SLC9C2: variants seen among roughly 807,000 people sequenced by gnomAD.
SLC9C2 encodes sodium/hydrogen exchanger 11.
A neutral mutation model predicts 140.2 loss-of-function variants in SLC9C2; 75 were observed. The ratio of observed to expected loss-of-function variants is 0.53; its 90% CI spans 0.44 to 0.65. The LOEUF is 0.65. SLC9C2 is among the 30% of genes least tolerant of loss of function. The probability of loss-of-function intolerance (pLI) is 0.00; values close to 1 mark genes in which losing one functional copy is unlikely to be tolerated. For missense variants in SLC9C2, 1,074 were observed against 1,331.8 expected (o/e 0.81, Z 3.01); for synonymous variants, 375 against 420.9 (o/e 0.89, Z 1.34).
At chr1:173,504,350 G>A (rs1246726784) in intron 26 of SLC9C2, among the ~76,000 whole-genome samples, 7 of 152,078 alleles carry the variant, frequency 4.6e-5, no homozygotes, top group Admixed American at 4.6e-4. Context: ...TCACCAATTG[G>A]CACTTGGCAC....
intron 4 of SLC9C2, 97 bp downstream of exon 4, chr1:173,597,807 A>G (rs1666527229): frequency 8.2e-7 from 1 of 1,225,174 alleles, no homozygotes; most frequent in African/African-American, 1.5e-5. Flanking sequence ...AAAATATGAC[A>G]TTTTGTGAAT....
intron 20 of SLC9C2, 26 bp from the exon 21 acceptor site, chr1:173,524,120 G>A (rs1475588317): frequency 6.3e-7 from 1 of 1,585,536 alleles, no homozygotes; most frequent in South Asian, 1.2e-5. Context: ...CAAAATAATG[G>A]GGATCAGATC....
chr1:173,524,612 A>C (rs1178609018), intron 20 of SLC9C2, among the ~76,000 whole-genome samples, 167 bp downstream of exon 20: 8 of 152,210 alleles, frequency 5.3e-5, no homozygotes, highest in Admixed American at 5.2e-4. Flanking sequence ...AATGGAGTGT[A>C]CCGGATTGCA....
intron 11 of SLC9C2, among the ~76,000 whole-genome samples, chr1:173,554,018 G>T (rs35390629): frequency 1.3e-5 from 2 of 152,078 alleles, no homozygotes; most frequent in Non-Finnish European, 2.9e-5. Context: ...TTTCTCTACC[G>T]AATGTGTCTA....
In SLC9C2 at chr1:173,601,782, C is replaced by T. The variant is rs2102288621; in HGVS notation, c.-6G>A. ...GCCCAGAAGTAAGAACTCATTTTTG[C>T]TGCTGCTTTTCCCCAGACCTAACTT... On this transcript the variant is annotated 5_prime_UTR_variant, in exon 2 of 28. Coordinates refer to ENST00000367714, the MANE Select transcript of SLC9C2 (RefSeq NM_178527.4). The T allele has an allele frequency of 1.2e-6, 2 of 1,613,446 alleles. No homozygotes were observed. The highest frequency in any genetic ancestry group is 1.7e-6 in the Non-Finnish European group (2 of 1,179,748).
chr1:173,508,335 A>C (rs1339629083), intron 24 of SLC9C2, among the ~76,000 whole-genome samples: 3 of 151,958 alleles, frequency 2.0e-5, no homozygotes, highest in Non-Finnish European at 4.4e-5. Context: ...CAATTTTTTT[A>C]ATGTTTTATA....
chr1:173,583,441 T>C (rs1665669417), intron 6 of SLC9C2, 65 bp downstream of exon 6: 1 of 925,628 alleles, frequency 1.1e-6, no homozygotes, highest in Non-Finnish European at 1.7e-6. Context: ...AGTTAAAACA[T>C]TTGAATGTAT....
At chr1:173,559,063 C>A (rs1247097502) in intron 9 of SLC9C2, among the ~76,000 whole-genome samples, 1 of 152,160 alleles carries the variant, frequency 6.6e-6, no homozygotes, top group Non-Finnish European at 1.5e-5. Flanking sequence ...GGATGTGTAC[C>A]TGAGTCAAAC....
At chr1:173,585,223 G>A (rs947138753) in intron 5 of SLC9C2, among the ~76,000 whole-genome samples, 5 of 151,424 alleles carry the variant, frequency 3.3e-5, no homozygotes, top group African/African-American at 1.2e-4. Context: ...ACATATGAAC[G>A]TCTACTACAC....
At chr1:173,553,732 A>G (rs777813436) in intron 11 of SLC9C2, among the ~76,000 whole-genome samples, 8 of 152,208 alleles carry the variant, frequency 5.3e-5, no homozygotes, top group Non-Finnish European at 8.8e-5. Context: ...AATTTGTATG[A>G]CTTGCTTTAT....
intron 21 of SLC9C2, among the ~76,000 whole-genome samples, chr1:173,523,266 G>A (rs1660957571): frequency 6.6e-6 from 1 of 152,162 alleles, no homozygotes; most frequent in Non-Finnish European, 1.5e-5. Context: ...CAGCTACTTG[G>A]GAGGCTGAGG....
intron 4 of SLC9C2, among the ~76,000 whole-genome samples, chr1:173,591,176 C>T (rs973990118): frequency 6.6e-6 from 1 of 152,114 alleles, no homozygotes; most frequent in African/African-American, 2.4e-5. Context: ...TAATAGCCTC[C>T]AGCTCCATCC....
chr1:173,597,830 A>G (rs1054839182), intron 4 of SLC9C2, 74 bp downstream of exon 4: 2 of 1,377,478 alleles, frequency 1.5e-6, no homozygotes, highest in East Asian at 4.9e-5. Flanking sequence ...TTAATCATCT[A>G]TATAGGCAGC....
At position 173,578,651 on chromosome 1, in the gene SLC9C2, A is replaced by G. The variant is rs1665332901; in HGVS notation, c.803-1891T>C. ...CTGGAGCTAGAAGTCTAAGATCAGC[A>G]GGGTTAGTTCCTTCTGAGGGCTGTG... On this transcript the variant is annotated intron_variant, in intron 7 of 27. Transcript: ENST00000367714. 1.3e-5 allele frequency among the ~76,000 whole-genome samples: 2 copies of G among 152,182 alleles called. 1 individual carries two copies. The highest frequency in any genetic ancestry group is 4.1e-4 in the South Asian group (2 of 4,824).
At chr1:173,597,566 GTTGAGA>G (rs910394186) in intron 4 of SLC9C2, among the ~76,000 whole-genome samples, 6 of 152,108 alleles carry the variant, frequency 3.9e-5, no homozygotes, top group African/African-American at 1.4e-4. Flanking sequence ...TACAGAAACA[GTTGAGA>G]TTAAGTCAGA....
At chr1:173,545,661 T>C (rs1254263626) in intron 13 of SLC9C2, among the ~76,000 whole-genome samples, 1 of 152,062 alleles carries the variant, frequency 6.6e-6, no homozygotes, top group Non-Finnish European at 1.5e-5. Context: ...GGACTTTGAG[T>C]CTGGTAGTAA....
At chr1:173,548,960 C>A (rs1663063052) in intron 11 of SLC9C2, among the ~76,000 whole-genome samples, 1 of 152,180 alleles carries the variant, frequency 6.6e-6, no homozygotes, top group South Asian at 2.1e-4. Flanking sequence ...TTAACAAGTT[C>A]TCTCATTGTT....
At position 173,503,311 on chromosome 1, in the gene SLC9C2, A is replaced by G; in HGVS notation, c.3326T>C (p.Val1109Ala). The G allele has an allele frequency of 1.2e-6, 2 of 1,613,890 alleles. No individual in the cohort carries two copies. The highest frequency in any genetic ancestry group is 1.1e-5 in the South Asian group (1 of 91,034). Residue 1109 changes from valine (V) to alanine (A), a missense_variant, in exon 27 of 28, where the codon GTC (valine) becomes GCC (alanine). Transcript: ENST00000367714. ...NTNVMASVNT[V>A]FEQPGKNING... is the part of the protein sequence containing the mutation. Reference sequence around the variant, plus strand: ...TATATTCTTTCCTGGTTGTTCAAAGACCGTGTTGACTGAGGCTAACCAAAT... The same window carrying G: ...TATATTCTTTCCTGGTTGTTCAAAGGCCGTGTTGACTGAGGCTAACCAAAT...
chr1:173,526,642 T>A, intron 19 of SLC9C2, 21 bp downstream of exon 19: 1 of 1,574,898 alleles, frequency 6.3e-7, no homozygotes. Flanking sequence ...CTTTAAGAAC[T>A]CAGATACTTC....
Sources: gnomAD v4.1 joint callset for allele counts (sites outside exome capture counted in the v4.1 genomes callset) on GRCh38, gnomAD v4.1.1 for gene constraint, MANE v1.5 for transcripts, NCBI Gene and HGNC (gene_info 2026-07-23, HGNC 2026-07-21) for gene names.